The following CCDC171 variants were observed in gnomAD, a reference collection of about 807,000 sequenced individuals.
CCDC171 encodes coiled-coil domain containing 171, also known as coiled-coil domain-containing protein 171.
CCDC171 carries 177 observed loss-of-function variants against 168.2 expected under a neutral mutation model. The ratio of observed to expected loss-of-function variants is 1.05; its 90% CI spans 0.93 to 1.19. The LOEUF (loss-of-function observed/expected upper bound fraction) is 1.19, where lower values mean the gene tolerates loss of function less well. CCDC171 is among the 50% of genes most tolerant of loss of function. CCDC171 has a pLI of 0.00. For synonymous variants in CCDC171, 687 were observed against 540.8 expected, an observed-to-expected ratio of 1.27 and a Z score of -3.75; for missense variants, 1,991 against 1,539.0, an observed-to-expected ratio of 1.29 and a Z score of -4.91.
At chr9:15,633,261 G>A (rs1233556475) in intron 7 of CCDC171, among the ~76,000 whole-genome samples, 2 of 152,042 alleles carry the variant, frequency 1.3e-5, no homozygotes, top group African/African-American at 4.8e-5. Context: ...GAAAAGTTTT[G>A]CAACCTACTC....
intron 23 of CCDC171, chr9:15,850,426 C>T (rs898150552): frequency 1.3e-5 from 2 of 151,908 alleles, no homozygotes; most frequent in Non-Finnish European, 1.5e-5. Flanking sequence ...AGTTGTAGTT[C>T]ATCTTTTGAT....
At chr9:15,601,419 A>G (rs1410616187) in intron 6 of CCDC171, among the ~76,000 whole-genome samples, 2 of 152,080 alleles carry the variant, frequency 1.3e-5, no homozygotes, top group Non-Finnish European at 1.5e-5. Flanking sequence ...TTTTCTTCCC[A>G]TTACCTCTTC....
chr9:15,976,215 C>G (rs545935733), downstream of CCDC171, among the ~76,000 whole-genome samples: 25 of 152,268 alleles, frequency 1.6e-4, no homozygotes, highest in Admixed American at 4.6e-4. Flanking sequence ...GAAACTAATA[C>G]ACCAGTAAAC....
chr9:16,102,182 G>A, the CCDC171 span, among the ~76,000 whole-genome samples: 2,022 of 152,280 alleles, frequency 0.013, 35 homozygotes, highest in African/African-American at 0.044. Flanking sequence ...ACTCCTGTGA[G>A]CCTCCTCCAC....
intron 9 of CCDC171, among the ~76,000 whole-genome samples, chr9:15,671,070 C>T (rs944732024): frequency 2.6e-5 from 4 of 151,980 alleles, no homozygotes; most frequent in Non-Finnish European, 5.9e-5. Context: ...TCAGTGTGGG[C>T]GACCAAGTGA....
intron 8 of CCDC171, among the ~76,000 whole-genome samples, chr9:15,663,408 G>A (rs1475910015): frequency 1.3e-5 from 2 of 151,772 alleles, no homozygotes; most frequent in African/African-American, 4.8e-5. Flanking sequence ...AACAATATTA[G>A]ATCAAGAGTT....
downstream of CCDC171, among the ~76,000 whole-genome samples, chr9:15,975,376 A>G (rs1203998769): frequency 6.6e-6 from 1 of 152,186 alleles, no homozygotes; most frequent in Non-Finnish European, 1.5e-5. Context: ...TAAAGAGAAA[A>G]AAAAATTTTT....
intron 3 of CCDC171, among the ~76,000 whole-genome samples, chr9:16,017,798 T>C (rs1564121651): frequency 2.0e-5 from 3 of 152,220 alleles, no homozygotes; most frequent in Non-Finnish European, 4.4e-5. Context: ...AAATATTTAT[T>C]TCATAACATG....
At chr9:16,092,501 C>G in the CCDC171 span, among the ~76,000 whole-genome samples, 1 of 152,202 alleles carries the variant, frequency 6.6e-6, no homozygotes, top group South Asian at 2.1e-4. Context: ...TTGTTTCCCA[C>G]TGCTCCCCAC....
chr9:16,025,225 G>A (rs941278559), intron 6 of CCDC171, among the ~76,000 whole-genome samples: 7 of 152,120 alleles, frequency 4.6e-5, no homozygotes, highest in African/African-American at 9.7e-5. Flanking sequence ...GTGGATCTCC[G>A]GAGGTCAGGA....
At chr9:15,615,847 C>T (rs539432537) in intron 6 of CCDC171, among the ~76,000 whole-genome samples, 1 of 149,066 alleles carries the variant, frequency 6.7e-6, no homozygotes, top group Non-Finnish European at 1.5e-5. Flanking sequence ...GGCATGATCT[C>T]AGCTTGCTGC....
At chr9:15,571,510 A>C in intron 2 of CCDC171, 114 bp from the exon 3 acceptor site, 1 of 823,316 alleles carries the variant, frequency 1.2e-6, no homozygotes, top group Non-Finnish European at 1.8e-6. Flanking sequence ...CTAAGTCAAG[A>C]ACCATGTCAT....
At chr9:15,976,981 G>T (rs187251456), downstream of CCDC171, among the ~76,000 whole-genome samples, 3 of 152,216 alleles carry the variant, frequency 2.0e-5, no homozygotes, top group East Asian at 5.8e-4. Flanking sequence ...TGCAAGTACA[G>T]CCAAGCAAAG....
At chr9:15,987,701 A>C (rs978741911) in intron 3 of CCDC171, among the ~76,000 whole-genome samples, 5 of 152,218 alleles carry the variant, frequency 3.3e-5, no homozygotes, top group Non-Finnish European at 7.3e-5. Context: ...TCCAAAATAC[A>C]GGTTGAGTAT....
intron 24 of CCDC171, chr9:15,875,582 C>A (rs753062353): frequency 2.0e-5 from 3 of 151,822 alleles, no homozygotes; most frequent in Non-Finnish European, 4.4e-5. Context: ...GGAGAAATAT[C>A]TCTTAAAACT....
intron 11 of CCDC171, among the ~76,000 whole-genome samples, chr9:15,696,363 C>T (rs1011973186): frequency 2.0e-5 from 3 of 152,090 alleles, no homozygotes; most frequent in Non-Finnish European, 2.9e-5. Context: ...TTTTAAGTCT[C>T]TGTGTTTTTA....
intron 24 of CCDC171, among the ~76,000 whole-genome samples, chr9:15,896,380 C>T (rs1287376426): frequency 3.9e-5 from 6 of 152,160 alleles, no homozygotes; most frequent in Admixed American, 3.9e-4. Context: ...CATGAGACTC[C>T]TTCTCATACC....
intron 21 of CCDC171, among the ~76,000 whole-genome samples, chr9:15,812,748 A>G (rs906788204): frequency 2.6e-5 from 4 of 152,164 alleles, no homozygotes; most frequent in Admixed American, 2.0e-4. Context: ...TTTTTGCCCA[A>G]CAAGATTTCA....
chr9:15,680,464 G>T (rs1205750072), intron 10 of CCDC171, among the ~76,000 whole-genome samples: 2 of 152,116 alleles, frequency 1.3e-5, no homozygotes, highest in East Asian at 1.9e-4. Context: ...CTAGGAATTG[G>T]TCACCAAATC....
Sources: allele counts gnomAD v4.1 joint callset (sites outside exome capture counted in the v4.1 genomes callset), GRCh38; gene constraint gnomAD v4.1.1; transcripts MANE v1.5; gene names NCBI Gene and HGNC (gene_info 2026-07-23, HGNC 2026-07-21).